The following MYRFL variants were observed in gnomAD, a reference collection of about 807,000 sequenced individuals.
MYRFL encodes myelin regulatory factor like, also known as myelin regulatory factor-like protein.
In MYRFL, 88 loss-of-function variants were observed where a neutral mutation model predicts 109.4. That is an observed-to-expected ratio of 0.80 (90% confidence interval 0.68 to 0.96). The LOEUF is 0.96. Ranked by LOEUF, MYRFL falls within the 40% of genes least tolerant of loss-of-function variation. The probability of loss-of-function intolerance (pLI) is 0.00; values close to 1 mark genes in which losing one functional copy is unlikely to be tolerated. For missense variants in MYRFL, 957 were observed against 954.9 expected, an observed-to-expected ratio of 1.00 and a Z score of -0.03; for synonymous variants, 324 against 320.9, an observed-to-expected ratio of 1.01 and a Z score of -0.10.
chr12:69,899,006 G>T (rs1040523331), intron 10 of MYRFL, among the ~76,000 whole-genome samples: 6 of 152,164 alleles, frequency 3.9e-5, no homozygotes, highest in Non-Finnish European at 8.8e-5. Context: ...TTCGGTGTGA[G>T]TACCAAAAAT....
chr12:69,926,203 C>T (rs1387353041), intron 13 of MYRFL, among the ~76,000 whole-genome samples: 1 of 142,740 alleles, frequency 7.0e-6, no homozygotes, highest in African/African-American at 2.9e-5. Context: ...CAGCTCACTG[C>T]AACCTCCGCC....
At chr12:69,875,148 C>A (rs1458982533) in intron 2 of MYRFL, among the ~76,000 whole-genome samples, 1 of 146,890 alleles carries the variant, frequency 6.8e-6, no homozygotes, top group Non-Finnish European at 1.5e-5. Flanking sequence ...TCTGTTTCAT[C>A]CTCTCTGCAG....
At chr12:69,878,121 T>G (rs1885801091) in intron 2 of MYRFL, among the ~76,000 whole-genome samples, 1 of 151,664 alleles carries the variant, frequency 6.6e-6, no homozygotes, top group African/African-American at 2.4e-5. Flanking sequence ...CAGGCGCCTG[T>G]AATCCCAGCT....
At chr12:69,905,420 C>T (rs562450043) in intron 11 of MYRFL, among the ~76,000 whole-genome samples, 4 of 152,320 alleles carry the variant, frequency 2.6e-5, no homozygotes, top group Admixed American at 1.3e-4. Flanking sequence ...TCACTTCAAT[C>T]CAGGCTCTAA....
chr12:69,877,431 TTTTG>T (rs1161731296), intron 2 of MYRFL, among the ~76,000 whole-genome samples: 2 of 152,074 alleles, frequency 1.3e-5, no homozygotes, highest in African/African-American at 2.4e-5. Context: ...GCTTTTTGAG[TTTTG>T]TTTGATTGGA....
In MYRFL at chr12:69,877,001, G is replaced by GTCTTTCTTTCTT. The variant is rs201597849; in HGVS notation, c.138-2013_138-2002dup. Among the ~76,000 whole-genome samples the GTCTTTCTTTCTT allele has an allele frequency of 5.7e-3, 447 of 78,538 alleles. 24 individuals are homozygous for GTCTTTCTTTCTT. The highest frequency in any genetic ancestry group is 0.021 in the East Asian group (63 of 3,064). 51.5% of individuals were successfully genotyped at this position (78,538 alleles called of 152,430 possible). A position where few individuals can be genotyped will look rare whatever the true frequency, so the allele number is the denominator to read the frequency against. On this transcript the variant is annotated intron_variant, in intron 2 of 24. Coordinates refer to ENST00000552032, the MANE Select transcript of MYRFL (RefSeq NM_182530.3). ...TGGGGAAGCTAATATAAGGGTCCAG[G>GTCTTTCTTTCTT]TCTTTCTTTCTTTCTTTCTTTCTTT...
At chr12:69,845,482 T>C (rs1350855757) in intron 1 of MYRFL, among the ~76,000 whole-genome samples, 1 of 152,230 alleles carries the variant, frequency 6.6e-6, no homozygotes, top group Non-Finnish European at 1.5e-5. Flanking sequence ...CCAGGAGGCA[T>C]GTGGGATATA....
At chr12:69,871,417 A>C (rs761457435) in intron 2 of MYRFL, among the ~76,000 whole-genome samples, 45 of 151,654 alleles carry the variant, frequency 3.0e-4, no homozygotes, top group Non-Finnish European at 5.4e-4. Flanking sequence ...TTTTTTTAGT[A>C]GAGACAGGAT....
intron 15 of MYRFL, among the ~76,000 whole-genome samples, chr12:69,929,268 C>A (rs1005582232): frequency 6.6e-6 from 1 of 152,126 alleles, no homozygotes; most frequent in Non-Finnish European, 1.5e-5. Context: ...AACTCAGAGA[C>A]CTCTTGCTGT....
intron 1 of MYRFL, among the ~76,000 whole-genome samples, chr12:69,827,512 A>G (rs1364077739): frequency 2.0e-5 from 3 of 151,880 alleles, no homozygotes; most frequent in Non-Finnish European, 4.4e-5. Flanking sequence ...GCAATCAGGC[A>G]CTCTAGAGAT....
At chr12:69,851,375 C>T (rs75692145) in intron 1 of MYRFL, among the ~76,000 whole-genome samples, 14,884 of 152,018 alleles carry the variant, frequency 0.098, 961 homozygotes, top group Admixed American at 0.17. Context: ...TGCTGAATAC[C>T]GAGGCTTAAA....
At chr12:69,901,432 C>T (rs1355611592) in intron 10 of MYRFL, among the ~76,000 whole-genome samples, 1 of 152,036 alleles carries the variant, frequency 6.6e-6, no homozygotes, top group African/African-American at 2.4e-5. Context: ...AATCTGTGGC[C>T]CTTTCCAAAA....
rs60757761 is a variant in MYRFL at position 69,891,561 on chromosome 12, A to ATTTCTTTCTTTCTTTCTTTCTTTCTTTC, written c.903+413_903+440dup. Among the ~76,000 whole-genome samples, 257 of 114,118 alleles carry ATTTCTTTCTTTCTTTCTTTCTTTCTTTC rather than the reference A, an allele frequency of 2.3e-3. 8 individuals are homozygous for ATTTCTTTCTTTCTTTCTTTCTTTCTTTC. Among genetic ancestry groups the ATTTCTTTCTTTCTTTCTTTCTTTCTTTC allele is most frequent in the East Asian group, 7.1e-3 (29 of 4,110 alleles). The allele number at this position is 114,118 out of a possible 152,430, so 74.9% of individuals were successfully genotyped here. A position where few individuals can be genotyped will look rare whatever the true frequency, so the allele number is the denominator to read the frequency against. On this transcript the variant is annotated intron_variant, in intron 7 of 24. Coordinates refer to ENST00000552032, the MANE Select transcript of MYRFL (RefSeq NM_182530.3). ...AAGACAAGTTAAGTGAAAGGTGTCAATTTCTTTCTTTCTTTCTTTCTTTCT... is the reference window on the plus strand; with the variant it reads ...AAGACAAGTTAAGTGAAAGGTGTCAATTTCTTTCTTTCTTTCTTTCTTTCTTTCTTTCTTTCTTTCTTTCTTTCTTTCT...
At chr12:69,886,025 A>G (rs1886426067) in intron 5 of MYRFL, among the ~76,000 whole-genome samples, 1 of 152,194 alleles carries the variant, frequency 6.6e-6, no homozygotes, top group South Asian at 2.1e-4. Flanking sequence ...TGGAGCCACA[A>G]AAGACCTGCC....
At chr12:69,881,966 C>G (rs145784272) in intron 5 of MYRFL, among the ~76,000 whole-genome samples, 15 of 152,122 alleles carry the variant, frequency 9.9e-5, no homozygotes, top group African/African-American at 3.6e-4. Flanking sequence ...ACTGCAGATG[C>G]GCTAGCTCAC....
chr12:69,943,126 C>G lies in MYRFL; in HGVS notation c.2224+6494C>G, dbSNP rs564724876. Among the ~76,000 whole-genome samples, 71 of 151,768 alleles carry G rather than the reference C, an allele frequency of 4.7e-4. 2 individuals carry two copies. In the East Asian group the frequency reaches 0.012, roughly 26 times the overall value. On this transcript the variant is annotated intron_variant, in intron 19 of 24. Transcript: ENST00000552032. ...TACTGCCCAGGGTAATTTACAGATT[C>G]AATGCCATCCCCATCAAGCTACCAA...
Position 69,888,009 on chromosome 12 carries a change from C to T in MYRFL, c.707+1039C>T, listed in dbSNP as rs189611448. 2.3e-3 allele frequency among the ~76,000 whole-genome samples: 351 copies of T among 152,274 alleles called. 1 individual carries two copies. Among genetic ancestry groups the T allele is most frequent in the African/African-American group, 7.5e-3 (311 of 41,558 alleles). ...AGCACCGAGGTATGAAACTGTCACA[C>T]GCAGGCTCAATGCTTTAATTAAAAC... On this transcript the variant is annotated intron_variant, in intron 6 of 24. Transcript: ENST00000552032.
chr12:69,843,683 A>C (rs1883370510), intron 1 of MYRFL, among the ~76,000 whole-genome samples: 1 of 152,284 alleles, frequency 6.6e-6, no homozygotes, highest in African/African-American at 2.4e-5. Context: ...ACTCATCTTC[A>C]TAACCAAGTG....
chr12:69,887,532 GT>G (rs1886535610), intron 6 of MYRFL, among the ~76,000 whole-genome samples: 2 of 152,124 alleles, frequency 1.3e-5, no homozygotes, highest in Non-Finnish European at 2.9e-5. Flanking sequence ...ACATAAGATA[GT>G]TTCAAGAAAT....
Sources: gnomAD v4.1 joint callset for allele counts (sites outside exome capture counted in the v4.1 genomes callset) on GRCh38, gnomAD v4.1.1 for gene constraint, MANE v1.5 for transcripts, NCBI Gene and HGNC (gene_info 2026-07-23, HGNC 2026-07-21) for gene names.